Variants in LAMA1 observed in about 807,000 individuals in gnomAD.
The protein encoded by LAMA1 is laminin subunit alpha 1.
In LAMA1, 219 loss-of-function variants were observed where a neutral mutation model predicts 348.7. The observed-to-expected ratio is 0.63, with a 90% confidence interval of 0.56 to 0.70. The LOEUF (loss-of-function observed/expected upper bound fraction) is 0.70. Ranked by LOEUF, LAMA1 falls within the 30% of genes least tolerant of loss-of-function variation. The pLI is 0.00. For missense variants in LAMA1, 3,744 were observed against 3,888.0 expected, an observed-to-expected ratio of 0.96 and a Z score of 0.99; for synonymous variants, 1,487 against 1,491.0, an observed-to-expected ratio of 1.00 and a Z score of 0.06.
intron 28 of LAMA1, 62 bp from the exon 29 acceptor site, chr18:7,007,338 T>C (rs2144107578): frequency 5.3e-6 from 8 of 1,521,450 alleles, no homozygotes; most frequent in East Asian, 2.3e-5. Flanking sequence ...AGGACTTGAA[T>C]AGACACTTCT....
intron 23 of LAMA1, among the ~76,000 whole-genome samples, chr18:7,013,429 C>A (rs60567877): frequency 0.019 from 2,857 of 152,072 alleles, 96 homozygotes; most frequent in African/African-American, 0.065. Context: ...AAATAATAAA[C>A]CCCGATTTCC....
rs557513016 is a variant in LAMA1 at position 7,032,736 on chromosome 18, T to C, written c.2163+248A>G. On this transcript the variant is annotated intron_variant, in intron 15 of 62. Coordinates refer to ENST00000389658, the MANE Select transcript of LAMA1 (RefSeq NM_005559.4). Reference sequence around the variant, plus strand: ...CAATGGCATGAGTATTGCAAGTTTCTTGTTGACTAAGGCAAGAGGGCAGCA... The same window carrying C: ...CAATGGCATGAGTATTGCAAGTTTCCTGTTGACTAAGGCAAGAGGGCAGCA... Among the ~76,000 whole-genome samples the C allele has an allele frequency of 5.4e-4, 83 of 152,322 alleles. 1 individual carries two copies. The highest frequency in any genetic ancestry group is 3.4e-3 in the Middle Eastern group (1 of 294).
At chr18:6,947,003 A>G (rs576059953) in intron 61 of LAMA1, among the ~76,000 whole-genome samples, 160 bp downstream of exon 61, 1 of 152,366 alleles carries the variant, frequency 6.6e-6, no homozygotes, top group South Asian at 2.1e-4. Context: ...AAAATAAACC[A>G]AAAAGGTTTT....
chr18:6,997,063 C>T (rs1445401624), intron 33 of LAMA1, among the ~76,000 whole-genome samples: 1 of 151,956 alleles, frequency 6.6e-6, no homozygotes, highest in Non-Finnish European at 1.5e-5. Flanking sequence ...TTCTCTTTTT[C>T]TTTTTCTTTT....
intron 1 of LAMA1, among the ~76,000 whole-genome samples, chr18:7,098,457 C>T (rs1488306487): frequency 2.6e-5 from 4 of 151,418 alleles, no homozygotes; most frequent in African/African-American, 4.9e-5. Flanking sequence ...CGTCCCTGCC[C>T]GGCCGCCCAT....
chr18:7,075,572 G>A (rs572452956), intron 3 of LAMA1, among the ~76,000 whole-genome samples: 98 of 152,052 alleles, frequency 6.4e-4, no homozygotes, highest in African/African-American at 2.2e-3. Flanking sequence ...GCAGTGAGCC[G>A]AGATCGCGCC....
At position 6,974,969 on chromosome 18, in the gene LAMA1, G is replaced by T. The variant is rs1261229691; in HGVS notation, c.6557C>A (p.Ser2186Tyr). Residue 2186 changes from serine to tyrosine, a missense_variant, in exon 46 of 63, where the codon TCC becomes TAC. Ser to Tyr is a moderately radical substitution (Grantham distance 144). This residue lies in a region of LAMA1 where 1,983 missense variants were observed against 1,934.3 expected (regional missense o/e 1.03). Coordinates refer to ENST00000389658, the MANE Select transcript of LAMA1 (RefSeq NM_005559.4). Reference protein sequence around the residue: ...VAFLWDLGSGSTRLEFPDFPI... With the variant: ...VAFLWDLGSGYTRLEFPDFPI... ...AAAGTCTGGAAACTCCAAGCGTGTG[G>T]ACCCGGAGCCCAGGTCCCACAGGAA... 6 of 1,613,992 alleles carry T rather than the reference G, an allele frequency of 3.7e-6. No individual in the cohort carries two copies. The highest frequency in any genetic ancestry group is 5.1e-6 in the Non-Finnish European group (6 of 1,180,002).
intron 3 of LAMA1, among the ~76,000 whole-genome samples, chr18:7,074,248 A>G (rs934279961): frequency 8.5e-5 from 13 of 152,160 alleles, no homozygotes; most frequent in Non-Finnish European, 1.5e-4. Flanking sequence ...AACTCTTTCA[A>G]TATAGCAATC....
At chr18:6,994,013 G>C (rs898407499) in intron 34 of LAMA1, among the ~76,000 whole-genome samples, 17 of 152,184 alleles carry the variant, frequency 1.1e-4, no homozygotes, top group African/African-American at 4.1e-4. Flanking sequence ...GGCTAATTGT[G>C]TATTAAACTA....
chr18:6,992,694 G>T lies in LAMA1; in HGVS notation c.5035C>A (p.Gln1679Lys). 1 of 1,613,370 alleles carries T rather than the reference G, an allele frequency of 6.2e-7. No homozygotes were observed. Among genetic ancestry groups the T allele is most frequent in the Non-Finnish European group, 8.5e-7 (1 of 1,179,292 alleles). Reference sequence around the variant, plus strand: ...AGTAGGAAATCTTCATCCAAAGTCTGATTTAAAGTTGTCTTTTCCATAATT... The same window carrying T: ...AGTAGGAAATCTTCATCCAAAGTCTTATTTAAAGTTGTCTTTTCCATAATT... The part of the protein sequence containing the change: ...TEIMEKTTLN[Q>K]TLDEDFLLPN... Residue 1679 changes from glutamine (Q) to lysine (K), a missense_variant, in exon 36 of 63, where the codon CAG becomes AAG. By Grantham distance (53) the Gln-to-Lys change is moderately conservative. Around this residue, in one of 3 missense-constraint regions of LAMA1, gnomAD observed 1,983 missense variants for 1,934.3 expected, o/e 1.03. Transcript: ENST00000389658.
At chr18:7,073,833 T>G (rs534389890) in intron 3 of LAMA1, among the ~76,000 whole-genome samples, 2 of 133,588 alleles carry the variant, frequency 1.5e-5, no homozygotes, top group Non-Finnish European at 3.3e-5. Context: ...TGTGTGTGTG[T>G]GTGTGTGTGT....
intron 15 of LAMA1, among the ~76,000 whole-genome samples, chr18:7,032,561 C>T (rs2057975200): frequency 6.6e-6 from 1 of 152,168 alleles, no homozygotes; most frequent in Admixed American, 6.5e-5. Flanking sequence ...ATATATTTCA[C>T]ATGTAAGGTG....
intron 16 of LAMA1, among the ~76,000 whole-genome samples, chr18:7,029,475 T>C (rs1053803683): frequency 9.9e-5 from 15 of 152,222 alleles, no homozygotes; most frequent in Admixed American, 9.8e-4. Context: ...AACATGTCTA[T>C]GGTATGTTTT....
chr18:7,009,430 T>C (rs893353111), intron 26 of LAMA1, 64 bp from the exon 27 acceptor site: 1 of 1,550,104 alleles, frequency 6.5e-7, no homozygotes, highest in Non-Finnish European at 8.9e-7. Context: ...ATAAAACTTA[T>C]AAAGAATAAA....
chr18:7,087,155 C>T (rs1370788824), intron 1 of LAMA1, among the ~76,000 whole-genome samples: 1 of 152,122 alleles, frequency 6.6e-6, no homozygotes, highest in Non-Finnish European at 1.5e-5. Context: ...AGAAAGATGA[C>T]AAAAATGTCA....
intron 55 of LAMA1, 54 bp downstream of exon 55, chr18:6,958,423 C>G: frequency 1.3e-6 from 2 of 1,576,930 alleles, no homozygotes; most frequent in Non-Finnish European, 1.7e-6. Flanking sequence ...AGTGTTAGCA[C>G]TCACCATGAA....
At chr18:7,076,021 T>C (rs946992433) in intron 3 of LAMA1, among the ~76,000 whole-genome samples, 1 of 151,298 alleles carries the variant, frequency 6.6e-6, no homozygotes, top group Non-Finnish European at 1.5e-5. Flanking sequence ...CAGAAGTGAA[T>C]AAGACATCTC....
intron 1 of LAMA1, among the ~76,000 whole-genome samples, chr18:7,100,295 A>G (rs1450955932): frequency 1.3e-5 from 2 of 152,172 alleles, no homozygotes; most frequent in South Asian, 2.1e-4. Context: ...GAAATACAAA[A>G]TAATACCATG....
In LAMA1 at chr18:7,015,876, G is replaced by T. The variant is rs1225014996; in HGVS notation, c.2990-18C>A. 1 of 1,614,016 alleles carries T rather than the reference G, an allele frequency of 6.2e-7. No individual in the cohort carries two copies. Among genetic ancestry groups the T allele is most frequent in the African/African-American group, 1.3e-5 (1 of 75,026 alleles). The stretch of plus-strand genomic sequence containing the variant: ...GTCACAGGCTGAAATAAAGATGAAT[G>T]CTGGGTTACAGATCTGGGTGATGTC... On this transcript the variant is annotated intron_variant, in intron 21 of 62. Transcript: ENST00000389658.
Sources: allele counts gnomAD v4.1 joint callset (sites outside exome capture counted in the v4.1 genomes callset), GRCh38; gene constraint gnomAD v4.1.1; regional missense constraint gnomAD v4.1.1; transcripts MANE v1.5; gene names NCBI Gene and HGNC (gene_info 2026-07-23, HGNC 2026-07-21).